The following TASOR variants were observed in gnomAD, a reference collection of about 807,000 sequenced individuals.
TASOR encodes the protein protein TASOR.
In TASOR, 53 loss-of-function variants were observed where a neutral mutation model predicts 178.6. The ratio of observed to expected loss-of-function variants is 0.30; its 90% CI spans 0.24 to 0.37. TASOR has a LOEUF of 0.37. TASOR is among the 10% of genes least tolerant of loss of function. TASOR has a pLI of 1.00. For missense variants in TASOR, 1,815 were observed against 1,971.4 expected (o/e 0.92, Z 1.50); for synonymous variants, 713 against 696.2 (o/e 1.02, Z -0.38).
At chr3:56,632,191 G>A (rs974248839) in intron 18 of TASOR, among the ~76,000 whole-genome samples, 14 of 151,968 alleles carry the variant, frequency 9.2e-5, no homozygotes, top group African/African-American at 2.7e-4. Flanking sequence ...TGCAAGAAAC[G>A]GCCAGGCGCA....
chr3:56,680,447 T>C (rs149743779), intron 1 of TASOR, among the ~76,000 whole-genome samples: 6 of 152,316 alleles, frequency 3.9e-5, no homozygotes, highest in East Asian at 1.9e-4. Context: ...TGTATTTGCA[T>C]AGCAGTGACC....
chr3:56,633,484 T>G lies in TASOR; in HGVS notation c.3307A>C (p.Ser1103Arg), dbSNP rs747332250. The G allele has an allele frequency of 6.2e-7, 1 of 1,614,208 alleles. No individual in the cohort carries two copies. The highest frequency in any genetic ancestry group is 2.2e-5 in the East Asian group (1 of 44,892). Residue 1103 changes from serine (S) to arginine (R), a missense_variant, in exon 18 of 24, where the codon AGT becomes CGT. Around this residue, in one of 5 missense-constraint regions of TASOR, gnomAD observed 655 missense variants for 671.1 expected, o/e 0.98. Coordinates refer to ENST00000683822, the MANE Select transcript of TASOR (RefSeq NM_001365635.2). Reference protein sequence around the residue: ...SAKGGNLPPVSPNDSGAKIAS... With the variant: ...SAKGGNLPPVRPNDSGAKIAS... ...ATCTTAGCACCAGAATCGTTAGGAC[T>G]GACTGGTGGCAAATTCCCACCCTTG...
At chr3:56,628,720 A>AGTAG in intron 18 of TASOR, 106 bp from the exon 19 acceptor site, 2 of 716,980 alleles carry the variant, frequency 2.8e-6, no homozygotes, top group Non-Finnish European at 4.4e-6. Context: ...CTACCATGAC[A>AGTAG]TTATTAACAA....
chr3:56,673,522 C>A, intron 2 of TASOR, 58 bp downstream of exon 2: 2 of 1,239,706 alleles, frequency 1.6e-6, no homozygotes, highest in Non-Finnish European at 2.1e-6. Flanking sequence ...ACATTTTTTT[C>A]CCAGGCTGTT....
chr3:56,656,680 GC>G (rs2077477446), intron 11 of TASOR, among the ~76,000 whole-genome samples: 3 of 151,148 alleles, frequency 2.0e-5, no homozygotes, highest in Non-Finnish European at 4.4e-5. Flanking sequence ...CAAAAAATGA[GC>G]AAGACTAGTA....
At position 56,682,832 on chromosome 3, in the gene TASOR, C is replaced by T; in HGVS notation, c.175G>A (p.Glu59Lys). ...TGGGCGGCCTCGGCCCCCGCGTTCT[C>T]CTCACGCCCAGCGCCGCCGCTGGGC... is the stretch of plus-strand genomic sequence containing the variant. ...AEPSGGAGREENAGAEAAQSL... is the reference protein window; with the variant it reads ...AEPSGGAGREKNAGAEAAQSL... Residue 59 changes from glutamate to lysine, a missense_variant, in exon 1 of 24, where the codon GAG becomes AAG. Transcript: ENST00000683822. The T allele has an allele frequency of 3.9e-6, 6 of 1,550,632 alleles. No homozygotes were observed. The highest frequency in any genetic ancestry group is 5.2e-6 in the Non-Finnish European group (6 of 1,146,530).
intron 1 of TASOR, among the ~76,000 whole-genome samples, chr3:56,682,238 G>A (rs962135608): frequency 6.6e-6 from 1 of 152,182 alleles, no homozygotes; most frequent in Admixed American, 6.5e-5. Context: ...TTTCCACGGG[G>A]AGAAGCACTC....
chr3:56,628,444 T>C (rs1434423295), intron 19 of TASOR, 48 bp downstream of exon 19: 1 of 1,528,002 alleles, frequency 6.5e-7, no homozygotes, highest in Non-Finnish European at 8.9e-7. Flanking sequence ...GATTTTAAAA[T>C]AAGGGAGTTT....
At position 56,621,715 on chromosome 3, in the gene TASOR, C is replaced by CTT. The variant is rs2076660643; in HGVS notation, c.*1320_*1321dup. 1 of 724,910 alleles carries CTT rather than the reference C, an allele frequency of 1.4e-6. No homozygotes were observed. The highest frequency in any genetic ancestry group is 2.0e-5 in the South Asian group (1 of 50,938). The allele number at this position is 724,910 out of a possible 1,614,324, so 44.9% of individuals were successfully genotyped here. A position where few individuals can be genotyped will look rare whatever the true frequency, so the allele number is the denominator to read the frequency against. ...GTATTTTTCAAATAGCCTAGATTTA[C>CTT]TTATTTTTTTAAATGCTCATTAAAA... On this transcript the variant is annotated 3_prime_UTR_variant, in exon 24 of 24. Transcript: ENST00000683822.
intron 13 of TASOR, among the ~76,000 whole-genome samples, chr3:56,648,150 G>GT (rs1219609704): frequency 6.6e-6 from 1 of 151,642 alleles, no homozygotes; most frequent in African/African-American, 2.4e-5. Context: ...GGGCAAGGCT[G>GT]TATGTAGTGA....
chr3:56,661,113 G>A, intron 9 of TASOR, 96 bp from the exon 10 acceptor site: 1 of 726,722 alleles, frequency 1.4e-6, no homozygotes, highest in Non-Finnish European at 2.3e-6. Flanking sequence ...ATGGAAAATA[G>A]AAGAGCATAT....
intron 1 of TASOR, among the ~76,000 whole-genome samples, chr3:56,674,716 T>C (rs939676350): frequency 1.3e-5 from 2 of 152,150 alleles, no homozygotes; most frequent in African/African-American, 4.8e-5. Flanking sequence ...AGCTCTCTCA[T>C]ATGTAAAATG....
In TASOR at chr3:56,623,211, A is replaced by T; in HGVS notation, c.4839T>A (p.Val1613=). Residue 1613 remains valine (V), a synonymous_variant, in exon 24 of 24, where the codon GTT becomes GTA. Transcript: ENST00000683822. ...TCCCCAAAAATGTCTGATGAGTGAG[A>T]ACATTAAAATGACTAAACTGATGGG... ...NMSHQFSHFN[V]LTHQTFLGTP... The T allele has an allele frequency of 6.2e-7, 1 of 1,613,636 alleles. No homozygotes were observed. The highest frequency in any genetic ancestry group is 8.5e-7 in the Non-Finnish European group (1 of 1,179,892).
At chr3:56,643,361 C>A (rs951525511) in intron 14 of TASOR, among the ~76,000 whole-genome samples, 1 of 151,806 alleles carries the variant, frequency 6.6e-6, no homozygotes, top group Admixed American at 6.6e-5. Context: ...ATAAACTGTA[C>A]CTCAAAACAG....
chr3:56,626,082 A>G (rs2076793215), intron 21 of TASOR, among the ~76,000 whole-genome samples: 1 of 152,232 alleles, frequency 6.6e-6, no homozygotes, highest in South Asian at 2.1e-4. Flanking sequence ...TTTTTGTGGT[A>G]TAAAGTTTAA....
At position 56,622,964 on chromosome 3, in the gene TASOR, T is replaced by G; in HGVS notation, c.*73A>C. The G allele has an allele frequency of 9.8e-7, 1 of 1,020,966 alleles. No homozygotes were observed. The highest frequency in any genetic ancestry group is 2.4e-5 in the South Asian group (1 of 41,640). The allele number at this position is 1,020,966 out of a possible 1,614,324, so 63.2% of individuals were successfully genotyped here. A position where few individuals can be genotyped will look rare whatever the true frequency, so the allele number is the denominator to read the frequency against. ...CATTTGAGAAAGAACAAGAACCTTT[T>G]GTTTAGAGAATGAAATATAAATTGT... On this transcript the variant is annotated 3_prime_UTR_variant, in exon 24 of 24. Coordinates refer to ENST00000683822, the MANE Select transcript of TASOR (RefSeq NM_001365635.2).
At chr3:56,643,871 G>C (rs769042075) in intron 14 of TASOR, among the ~76,000 whole-genome samples, 2 of 152,052 alleles carry the variant, frequency 1.3e-5, no homozygotes, top group South Asian at 4.1e-4. Context: ...AAAAATGCAA[G>C]TCTGATAGTC....
intron 11 of TASOR, among the ~76,000 whole-genome samples, chr3:56,652,504 G>C (rs2107591524): frequency 6.7e-6 from 1 of 150,022 alleles, no homozygotes; most frequent in African/African-American, 2.5e-5. Flanking sequence ...CAGTGAGCCA[G>C]GATCACACCA....
At chr3:56,669,471 C>G (rs1393359518) in intron 5 of TASOR, among the ~76,000 whole-genome samples, 3 of 151,998 alleles carry the variant, frequency 2.0e-5, no homozygotes, top group Non-Finnish European at 2.9e-5. Flanking sequence ...CCACTGCACT[C>G]CATCCAGCCT....
Sources: gnomAD v4.1 joint callset for allele counts (sites outside exome capture counted in the v4.1 genomes callset) on GRCh38, gnomAD v4.1.1 for gene constraint, gnomAD v4.1.1 regional missense constraint, MANE v1.5 for transcripts, NCBI Gene and HGNC (gene_info 2026-07-23, HGNC 2026-07-21) for gene names.